Variants in TTC21A observed in about 807,000 individuals in gnomAD.
TTC21A encodes the protein tetratricopeptide repeat protein 21A.
In TTC21A, 128 loss-of-function variants were observed where a neutral mutation model predicts 156.4. The observed-to-expected ratio is 0.82, with a 90% CI of 0.71 to 0.95. TTC21A has a LOEUF of 0.95. Ranked by LOEUF, TTC21A falls within the 40% of genes least tolerant of loss-of-function variation. The pLI is 0.00. For synonymous variants in TTC21A, 587 were observed against 617.1 expected, an observed-to-expected ratio of 0.95 and a Z score of 0.72; for missense variants, 1,435 against 1,602.3, an observed-to-expected ratio of 0.90 and a Z score of 1.78.
chr3:39,122,067 GGGA>G (rs1390772705), intron 9 of TTC21A, among the ~76,000 whole-genome samples: 2 of 152,220 alleles, frequency 1.3e-5, no homozygotes, highest in Non-Finnish European at 2.9e-5. Flanking sequence ...CCAATACTTT[GGGA>G]GGCTGAGGTG....
intron 22 of TTC21A, among the ~76,000 whole-genome samples, chr3:39,135,470 T>C (rs1050063197): frequency 1.3e-5 from 2 of 152,218 alleles, no homozygotes; most frequent in African/African-American, 4.8e-5. Flanking sequence ...TCACAGCCAC[T>C]TGTAGGGACT....
Position 39,114,620 on chromosome 3 carries a change from G to C in TTC21A, c.594G>C (p.Glu198Asp). The C allele has an allele frequency of 6.2e-7, 1 of 1,614,212 alleles. No individual in the cohort carries two copies. Among genetic ancestry groups the C allele is most frequent in the Non-Finnish European group, 8.5e-7 (1 of 1,180,038 alleles). Residue 198 changes from glutamate to aspartate, a missense_variant, in exon 6 of 29, where the codon GAG becomes GAC. Transcript: ENST00000683103. ...TCATGATGCAGCAGAACTACTCAGAGGCCCTGGAGGTGGTGAACCAGATCA... is the reference window on the plus strand; with the variant it reads ...TCATGATGCAGCAGAACTACTCAGACGCCCTGGAGGTGGTGAACCAGATCA... The part of the protein sequence containing the change: ...MYFMMQQNYS[E>D]ALEVVNQITV...
In TTC21A at chr3:39,138,855, G is replaced by A. The variant is rs753803651; in HGVS notation, c.*67G>A. ...CTGAAGTTGTGTGGAGGGATGGAAA[G>A]TGGGTCAGTGGAGAAGGGATTCAGA... On this transcript the variant is annotated 3_prime_UTR_variant, in exon 29 of 29. Coordinates refer to ENST00000683103, the MANE Select transcript of TTC21A (RefSeq NM_001366900.1). 4.5e-6 allele frequency: 6 copies of A among 1,343,704 alleles called. No individual in the cohort carries two copies. The highest frequency in any genetic ancestry group is 5.3e-6 in the Non-Finnish European group (5 of 948,318). 83.2% of individuals were successfully genotyped at this position (1,343,704 alleles called of 1,614,324 possible). A position where few individuals can be genotyped will look rare whatever the true frequency, so the allele number is the denominator to read the frequency against.
In TTC21A at chr3:39,134,826, C is replaced by G. The variant is rs1030723517; in HGVS notation, c.2863-267C>G. The G allele has an allele frequency of 8.8e-6, 5 of 569,406 alleles. No homozygotes were observed. The highest frequency in any genetic ancestry group is 1.9e-5 in the African/African-American group (1 of 53,310). 35.3% of individuals were successfully genotyped at this position (569,406 alleles called of 1,614,324 possible). A position where few individuals can be genotyped will look rare whatever the true frequency, so the allele number is the denominator to read the frequency against. On this transcript the variant is annotated intron_variant, in intron 21 of 28. Coordinates refer to ENST00000683103, the MANE Select transcript of TTC21A (RefSeq NM_001366900.1). This position sits in a 1 kb window ranked among gnomAD's most constrained non-coding sequence, Gnocchi z 4.6. ...GGCTGTCAAAAAGCCCCACTGGTCT[C>G]TACCACTAGTCTTACCTTCCCATGT...
At chr3:39,111,068 C>T (rs775801465) in intron 4 of TTC21A, 51 bp downstream of exon 4, 2 of 1,554,626 alleles carry the variant, frequency 1.3e-6, no homozygotes, top group South Asian at 2.4e-5. Context: ...CATCCAAACA[C>T]ATAATAGCAG....
At position 39,125,334 on chromosome 3, in the gene TTC21A, G is replaced by A. The variant is rs369917482; in HGVS notation, c.1194G>A (p.Val398=). The A allele has an allele frequency of 6.2e-6, 10 of 1,613,672 alleles. No individual in the cohort carries two copies. The African/African-American group carries it at 6.7e-5, about 11-fold the overall frequency. The part of the protein sequence containing the change: ...EVQKSLGKSE[V]LIFLQALLMS... ...AGACTCGGTCCTCTCTTCCACAGGT[G>A]CTAATTTTCCTCCAAGCCCTCCTGA... Residue 398 remains valine (V), a splice_region_variant and synonymous_variant, in exon 11 of 29, where the codon GTG becomes GTA. Coordinates refer to ENST00000683103, the MANE Select transcript of TTC21A (RefSeq NM_001366900.1).
chr3:39,108,332 C>T (rs112193584), intron 1 of TTC21A: 11 of 164,540 alleles, frequency 6.7e-5, no homozygotes, highest in Non-Finnish European at 9.2e-5. Flanking sequence ...ATCTCTCCCC[C>T]CTGAGAGCCT....
chr3:39,110,958 C>T lies in TTC21A; in HGVS notation c.376C>T (p.His126Tyr). The change falls in exon 4 of 29, where the codon CAT becomes TAT. Residue 126 changes from histidine to tyrosine, a missense_variant. His to Tyr is a moderately conservative substitution (Grantham distance 83). Coordinates refer to ENST00000683103, the MANE Select transcript of TTC21A (RefSeq NM_001366900.1). ...AGLFLWLIGR[H>Y]DKAKEYIDRM... ...CCTTTTCCTCTGGCTCATAGGCCGC[C>T]ATGACAAGGCCAAAGAGTACATTGA... The T allele has an allele frequency of 3.1e-6, 5 of 1,613,998 alleles. No individual in the cohort carries two copies. The highest frequency in any genetic ancestry group is 4.2e-6 in the Non-Finnish European group (5 of 1,179,976).
At chr3:39,129,541 C>A (rs938941311) in intron 15 of TTC21A, among the ~76,000 whole-genome samples, 1 of 152,228 alleles carries the variant, frequency 6.6e-6, no homozygotes, top group African/African-American at 2.4e-5. Flanking sequence ...TTGCCTCCCC[C>A]TCACCTGCTT....
At chr3:39,112,274 C>T (rs1438973451) in intron 4 of TTC21A, among the ~76,000 whole-genome samples, 184 bp from the exon 5 acceptor site, 1 of 152,172 alleles carries the variant, frequency 6.6e-6, no homozygotes, top group East Asian at 1.9e-4. Flanking sequence ...CTGTCCAGGG[C>T]ATTTCCAGAC....
At position 39,110,858 on chromosome 3, in the gene TTC21A, A is replaced by T; in HGVS notation, c.276A>T (p.Glu92Asp). The change falls in exon 4 of 29, where the codon GAA becomes GAT. Residue 92 changes from glutamate (E) to aspartate (D), a missense_variant. Coordinates refer to ENST00000683103, the MANE Select transcript of TTC21A (RefSeq NM_001366900.1). ...AHKRCEIIDR[E>D]AIQELEYSLK... ...TCGCTCTTGGATTTACAGACCGAGA[A>T]GCAATTCAGGAGCTTGAGTACAGCC... The T allele has an allele frequency of 1.2e-6, 2 of 1,613,920 alleles. No individual in the cohort carries two copies. Among genetic ancestry groups the T allele is most frequent in the Non-Finnish European group, 1.7e-6 (2 of 1,180,008 alleles).
chr3:39,122,445 T>C (rs1230667957), intron 9 of TTC21A, among the ~76,000 whole-genome samples: 1 of 152,134 alleles, frequency 6.6e-6, no homozygotes. Flanking sequence ...TAGAAACCCA[T>C]AAGCAAACAT....
In TTC21A at chr3:39,109,088, G is replaced by A. The variant is rs768251493; in HGVS notation, c.31G>A (p.Gly11Arg). ...AGTTATGTCTTCCTTCATACAGGCT[G>A]GGATCATTTACTATAGCCAGGAAAA... MSSNDSSLMA[G>R]IIYYSQEKYF... Residue 11 changes from glycine (G) to arginine (R), a missense_variant, in exon 2 of 29, where the codon GGG (glycine) becomes AGG (arginine). Gly to Arg is a moderately radical substitution (Grantham distance 125, BLOSUM62 -2). Transcript: ENST00000683103. 6.2e-7 allele frequency: 1 copy of A among 1,613,910 alleles called. No individual in the cohort carries two copies. Among genetic ancestry groups the A allele is most frequent in the Non-Finnish European group, 8.5e-7 (1 of 1,179,818 alleles).
chr3:39,125,413 G>A lies in TTC21A; in HGVS notation c.1273G>A (p.Val425Met). ...GACCACAGCGCTCCTGAAGGAGGCA[G>A]TGGAGCTTCACTTCTCCAGCATGCA... ...EETTALLKEA[V>M]ELHFSSMQGI... Residue 425 changes from valine (V) to methionine (M), a missense_variant, in exon 11 of 29, where the codon GTG becomes ATG. Coordinates refer to ENST00000683103, the MANE Select transcript of TTC21A (RefSeq NM_001366900.1). 6.2e-7 allele frequency: 1 copy of A among 1,614,150 alleles called. No homozygotes were observed. The highest frequency in any genetic ancestry group is 1.1e-5 in the South Asian group (1 of 91,086).
At chr3:39,125,824 C>G (rs1041953770) in intron 11 of TTC21A, among the ~76,000 whole-genome samples, 10 of 152,244 alleles carry the variant, frequency 6.6e-5, no homozygotes, top group Admixed American at 5.9e-4. Context: ...CTTGGAAGAA[C>G]AGGGCACCGG....
In TTC21A at chr3:39,128,626, G is replaced by A; in HGVS notation, c.1681-91G>A. Reference sequence around the variant, plus strand: ...TCCAAAGGCAGGGGTAGGCTCAGTGGGCTCCTGAGGCTTTCTCTGACCTGG... The same window carrying A: ...TCCAAAGGCAGGGGTAGGCTCAGTGAGCTCCTGAGGCTTTCTCTGACCTGG... On this transcript the variant is annotated intron_variant, in intron 13 of 28. Transcript: ENST00000683103. The A allele has an allele frequency of 2.6e-6, 4 of 1,554,562 alleles. No homozygotes were observed. The Admixed American group carries it at 5.2e-5, about 20-fold the overall frequency.
chr3:39,138,261 C>T lies in TTC21A; in HGVS notation c.3676-6C>T. 1 of 1,613,962 alleles carries T rather than the reference C, an allele frequency of 6.2e-7. No homozygotes were observed. Among genetic ancestry groups the T allele is most frequent in the Non-Finnish European group, 8.5e-7 (1 of 1,179,898 alleles). On this transcript the variant is annotated splice_polypyrimidine_tract_variant and splice_region_variant and intron_variant, in intron 26 of 28. Transcript: ENST00000683103. ...CTGCAGAGGCTCTAACTGGCTTTCCCTGCAGTCCTGCTACAAGGCCTATGA... is the reference window on the plus strand; with the variant it reads ...CTGCAGAGGCTCTAACTGGCTTTCCTTGCAGTCCTGCTACAAGGCCTATGA...
chr3:39,111,242 C>G (rs1308767845), intron 4 of TTC21A, among the ~76,000 whole-genome samples: 1 of 152,240 alleles, frequency 6.6e-6, no homozygotes, highest in Non-Finnish European at 1.5e-5. Flanking sequence ...GATAGATTTT[C>G]TATGGCTTGC....
rs1445942039 is a variant in TTC21A, at chr3:39,133,176, A to C, written c.2687A>C (p.Lys896Thr). 2 of 1,614,118 alleles carry C rather than the reference A, an allele frequency of 1.2e-6. No individual in the cohort carries two copies. The highest frequency in any genetic ancestry group is 2.7e-5 in the African/African-American group (2 of 74,940). ...TTTGCAGAGCACTACCTGGCAGAGA[A>C]AGAGTATGACAAGGCGGTACAGTCT... is the stretch of plus-strand genomic sequence containing the variant. The part of the protein sequence containing the change: ...IQFAEHYLAE[K>T]EYDKAVQSYK... The change falls in exon 20 of 29, where the codon AAA (lysine) becomes ACA (threonine). Residue 896 changes from lysine to threonine, a missense_variant. By Grantham distance (78) the Lys-to-Thr change is moderately conservative (BLOSUM62 -1). Coordinates refer to ENST00000683103, the MANE Select transcript of TTC21A (RefSeq NM_001366900.1).
Sources: allele counts gnomAD v4.1 joint callset (sites outside exome capture counted in the v4.1 genomes callset), GRCh38; gene constraint gnomAD v4.1.1; non-coding constraint Gnocchi (gnomAD v3.1); transcripts MANE v1.5; gene names NCBI Gene and HGNC (gene_info 2026-07-23, HGNC 2026-07-21).